The following VWA8 variants were observed in gnomAD, a reference collection of about 807,000 sequenced individuals.
The protein encoded by VWA8 is von Willebrand factor A domain containing 8.
In VWA8, 221 loss-of-function variants were observed where a neutral mutation model predicts 241.5. The ratio of observed to expected loss-of-function variants is 0.91; its 90% CI spans 0.82 to 1.02. The LOEUF (loss-of-function observed/expected upper bound fraction) is 1.02, where lower values mean the gene tolerates loss of function less well. VWA8 is among the 50% of genes least tolerant of loss of function. The pLI is 0.00. For missense variants in VWA8, 2,322 were observed against 2,328.7 expected (o/e 1.00, Z 0.06); for synonymous variants, 852 against 827.1 (o/e 1.03, Z -0.52).
intron 4 of VWA8, among the ~76,000 whole-genome samples, chr13:41,900,162 A>C (rs769235919): frequency 3.3e-5 from 5 of 152,262 alleles, no homozygotes; most frequent in Non-Finnish European, 7.3e-5. Context: ...TTATGAAAAC[A>C]GAATAGAACA....
At chr13:41,875,321 C>G (rs17595182) in intron 9 of VWA8, among the ~76,000 whole-genome samples, 14,307 of 152,022 alleles carry the variant, frequency 0.094, 855 homozygotes, top group African/African-American at 0.17. Context: ...CTGAAAATGT[C>G]CTTTTCCACC....
chr13:41,866,392 C>CGT (rs71700459), intron 10 of VWA8, among the ~76,000 whole-genome samples: 8 of 148,900 alleles, frequency 5.4e-5, no homozygotes, highest in Non-Finnish European at 7.4e-5. Context: ...TGTGTGTGCG[C>CGT]GTGTGTGTGT....
At chr13:41,675,319 G>A (rs1265188096) in intron 35 of VWA8, 23 bp from the exon 36 acceptor site, 5 of 1,566,172 alleles carry the variant, frequency 3.2e-6, no homozygotes, top group Admixed American at 1.7e-5. Flanking sequence ...CATGACATGA[G>A]CCAAGTATTA....
intron 9 of VWA8, among the ~76,000 whole-genome samples, chr13:41,868,887 C>CAAAAAA (rs56124196): frequency 1.3e-5 from 1 of 75,906 alleles, no homozygotes; most frequent in African/African-American, 5.6e-5. Context: ...GACTCCGTCT[C>CAAAAAA]AAAAAAAAAA....
chr13:41,662,908 T>G (rs1022750324), intron 37 of VWA8, among the ~76,000 whole-genome samples: 3 of 151,956 alleles, frequency 2.0e-5, no homozygotes, highest in African/African-American at 7.3e-5. Flanking sequence ...AATTTCCTTC[T>G]ATTCCTAGTT....
chr13:41,614,697 G>A (rs994989283), intron 38 of VWA8, among the ~76,000 whole-genome samples: 17 of 152,124 alleles, frequency 1.1e-4, no homozygotes, highest in African/African-American at 4.1e-4. Flanking sequence ...ACAATTTAAG[G>A]TAGTTCACAC....
chr13:41,733,960 T>C (rs2045505322), intron 21 of VWA8, among the ~76,000 whole-genome samples: 1 of 152,220 alleles, frequency 6.6e-6, no homozygotes, highest in Non-Finnish European at 1.5e-5. Context: ...TATCAGATCA[T>C]TGGATTTTGT....
chr13:41,795,028 GA>G (rs1354514138), intron 17 of VWA8, among the ~76,000 whole-genome samples: 1 of 151,930 alleles, frequency 6.6e-6, no homozygotes, highest in Non-Finnish European at 1.5e-5. Flanking sequence ...TCCAGAATGG[GA>G]AAAAAATTTT....
intron 14 of VWA8, among the ~76,000 whole-genome samples, chr13:41,829,904 A>G (rs1234343724): frequency 1.3e-5 from 2 of 152,094 alleles, no homozygotes; most frequent in Non-Finnish European, 2.9e-5. Flanking sequence ...GTAACCACAA[A>G]CCATCTGTGC....
chr13:41,764,051 C>A (rs571750249), intron 20 of VWA8, among the ~76,000 whole-genome samples: 86 of 152,264 alleles, frequency 5.6e-4, no homozygotes, highest in Admixed American at 7.8e-4. Context: ...CATTCGATAT[C>A]CCCTATTCTT....
intron 37 of VWA8, among the ~76,000 whole-genome samples, chr13:41,634,475 A>T (rs1459868766): frequency 6.6e-6 from 1 of 152,142 alleles, no homozygotes; most frequent in African/African-American, 2.4e-5. Context: ...TGGGATGAAG[A>T]AGTTTAATAT....
intron 2 of VWA8, among the ~76,000 whole-genome samples, chr13:41,916,430 A>G (rs9566878): frequency 0.088 from 13,393 of 152,262 alleles, 718 homozygotes; most frequent in African/African-American, 0.15. Context: ...GCTACATCAA[A>G]TTTAGCAGAC....
chr13:41,711,730 G>A (rs149892239), intron 26 of VWA8, among the ~76,000 whole-genome samples: 5 of 151,976 alleles, frequency 3.3e-5, no homozygotes, highest in African/African-American at 9.6e-5. Flanking sequence ...AAAAATTAGC[G>A]GGGCGTGGTG....
At chr13:41,952,136 G>GT (rs1878165607) in intron 1 of VWA8, among the ~76,000 whole-genome samples, 1 of 152,184 alleles carries the variant, frequency 6.6e-6, no homozygotes, top group Admixed American at 6.5e-5. Context: ...CTGGGAACTT[G>GT]TAAGTCATAT....
intron 21 of VWA8, among the ~76,000 whole-genome samples, chr13:41,739,691 T>G (rs771413304): frequency 9.9e-5 from 15 of 152,160 alleles, no homozygotes; most frequent in Non-Finnish European, 2.1e-4. Flanking sequence ...CCTATTTTAT[T>G]GAGTCTTTAT....
intron 32 of VWA8, among the ~76,000 whole-genome samples, chr13:41,690,762 C>A (rs2045171171): frequency 6.6e-6 from 1 of 152,064 alleles, no homozygotes; most frequent in Non-Finnish European, 1.5e-5. Flanking sequence ...AGCAGAGGGG[C>A]AGAAAGAGTC....
intron 31 of VWA8, 137 bp downstream of exon 31, chr13:41,691,737 T>G: frequency 2.6e-6 from 2 of 758,138 alleles, no homozygotes; most frequent in Middle Eastern, 3.2e-4. Context: ...TATTCTGCAA[T>G]GTGGGCAAGT....
chr13:41,637,497 G>A (rs535749297), intron 37 of VWA8, among the ~76,000 whole-genome samples: 82 of 151,136 alleles, frequency 5.4e-4, no homozygotes, highest in African/African-American at 1.8e-3. Context: ...ACACCAACGT[G>A]GCACATGTAT....
At chr13:41,827,476 G>A (rs534795498) in intron 14 of VWA8, among the ~76,000 whole-genome samples, 2 of 152,304 alleles carry the variant, frequency 1.3e-5, no homozygotes, top group South Asian at 4.1e-4. Flanking sequence ...TAGCCTCTGG[G>A]GAGTAAGATG....
Sources: gnomAD v4.1 joint callset for allele counts (sites outside exome capture counted in the v4.1 genomes callset) on GRCh38, gnomAD v4.1.1 for gene constraint, MANE v1.5 for transcripts, NCBI Gene and HGNC (gene_info 2026-07-23, HGNC 2026-07-21) for gene names.